DHCR7: variants seen among roughly 807,000 people sequenced by gnomAD.
DHCR7 encodes the protein 7-DHC reductase.
DHCR7 carries 40 observed loss-of-function variants against 43.3 expected under a neutral mutation model. The observed-to-expected ratio is 0.92, with a 90% CI of 0.72 to 1.20. The LOEUF (loss-of-function observed/expected upper bound fraction) is 1.20. Ranked by LOEUF, DHCR7 falls within the 50% of genes most tolerant of loss-of-function variation. The pLI, the probability that DHCR7 is intolerant of heterozygous loss-of-function variation, is 0.00. For synonymous variants in DHCR7, 298 were observed against 271.4 expected, an observed-to-expected ratio of 1.10 and a Z score of -0.96; for missense variants, 608 against 644.6, an observed-to-expected ratio of 0.94 and a Z score of 0.62.
chr11:71,433,846 T>C (rs1949243314), downstream of DHCR7, among the ~76,000 whole-genome samples: 1 of 152,220 alleles, frequency 6.6e-6, no homozygotes, highest in Non-Finnish European at 1.5e-5. Context: ...CCAGCACAGA[T>C]GCACGGGACC....
rs146839126 is a variant in DHCR7, at chr11:71,441,310, C to T, written c.543G>A (p.Leu181=). ...TIIFDNWIPL[L]WCANILGYAV... The stretch of plus-strand genomic sequence containing the variant: ...CATAGCCAAGGATGTTGGCGCACCA[C>T]AGCAGTGGGATCCAGTTGTCGAAGA... The change falls in exon 6 of 9, where the codon CTG becomes CTA. Residue 181 remains leucine (L), a synonymous_variant. Coordinates refer to ENST00000355527, the MANE Select transcript of DHCR7 (RefSeq NM_001360.3). 2 of 1,614,136 alleles carry T rather than the reference C, an allele frequency of 1.2e-6. No individual in the cohort carries two copies. The highest frequency in any genetic ancestry group is 1.3e-5 in the African/African-American group (1 of 74,944).
At position 71,448,279 on chromosome 11, in the gene DHCR7, T is replaced by TGGCCACTCACCTGCGCACACCTC. The variant is rs1949426104; in HGVS notation, c.-144_-132+10dup. 1 of 155,044 alleles carries TGGCCACTCACCTGCGCACACCTC rather than the reference T, an allele frequency of 6.4e-6. No homozygotes were observed. Among genetic ancestry groups the TGGCCACTCACCTGCGCACACCTC allele is most frequent in the Non-Finnish European group, 1.4e-5 (1 of 70,668 alleles). 9.6% of individuals were successfully genotyped at this position (155,044 alleles called of 1,614,324 possible). A position where few individuals can be genotyped will look rare whatever the true frequency, so the allele number is the denominator to read the frequency against. ...CCCCTGGCCTCACCTGCGCACACCT[T>TGGCCACTCACCTGCGCACACCTC]GGCCACTCACCTGCGCACACCTCGG... On this transcript the variant is annotated intron_variant, in intron 1 of 8. Coordinates refer to ENST00000355527, the MANE Select transcript of DHCR7 (RefSeq NM_001360.3).
At chr11:71,430,815 A>G (rs1949224088), downstream of DHCR7, among the ~76,000 whole-genome samples, 1 of 152,164 alleles carries the variant, frequency 6.6e-6, no homozygotes, top group Non-Finnish European at 1.5e-5. Flanking sequence ...CTTTATAGGT[A>G]CAGGATGGGG....
At chr11:71,436,187 A>G (rs970661321) in intron 8 of DHCR7, among the ~76,000 whole-genome samples, 7 of 152,234 alleles carry the variant, frequency 4.6e-5, no homozygotes, top group Non-Finnish European at 1.0e-4. Context: ...TGGCCAGGCC[A>G]TTGTTCCCAG....
At chr11:71,444,293 G>T in intron 3 of DHCR7, 78 bp from the exon 4 acceptor site, 2 of 1,253,240 alleles carry the variant, frequency 1.6e-6, no homozygotes, top group Non-Finnish European at 2.3e-6. Context: ...GGCTCTGTGT[G>T]GGAGAACTGT....
intron 6 of DHCR7, among the ~76,000 whole-genome samples, 186 bp from the exon 7 acceptor site, chr11:71,439,269 C>A (rs895240906): frequency 1.3e-5 from 2 of 152,188 alleles, no homozygotes; most frequent in Non-Finnish European, 2.9e-5. Context: ...TGGTTCCTGG[C>A]GCCCTCATTC....
intron 8 of DHCR7, among the ~76,000 whole-genome samples, chr11:71,436,978 C>G (rs533929319): frequency 6.6e-6 from 1 of 152,230 alleles, no homozygotes; most frequent in Non-Finnish European, 1.5e-5. Flanking sequence ...AACCAGCAGA[C>G]CTGCAGCCAG....
Position 71,442,299 on chromosome 11 carries a change from C to T in DHCR7, c.376G>A (p.Val126Ile), listed in dbSNP as rs143587828. The T allele has an allele frequency of 1.2e-4, 188 of 1,613,814 alleles. 2 individuals carry two copies. In the African/African-American group the frequency reaches 1.4e-3, roughly 12 times the overall value. ...ACGGCCCCCTCCTGGATGCCTCCTA[C>T]GTAGCCGGGTAGAAACTTATGGCAG... Reference protein sequence around the residue: ...DFCHKFLPGYVGGIQEGAVTP... With the variant: ...DFCHKFLPGYIGGIQEGAVTP... The change falls in exon 5 of 9, where the codon GTA (valine) becomes ATA (isoleucine). Residue 126 changes from valine (V) to isoleucine (I), a missense_variant. By Grantham distance (29) the Val-to-Ile change is conservative. Transcript: ENST00000355527.
In DHCR7 at chr11:71,444,140, G is replaced by A. The variant is rs1280060597; in HGVS notation, c.174C>T (p.Ile58=). ...LFAPFIVYYF[I]MACDQYSCAL... ...CGCAGCTGTACTGGTCACAAGCCAT[G>A]ATGAAGTAGTAGACGATGAAGGGGG... is the stretch of plus-strand genomic sequence containing the variant. Residue 58 remains isoleucine (I), a synonymous_variant, in exon 4 of 9, where the codon ATC becomes ATT. Transcript: ENST00000355527. 6.2e-7 allele frequency: 1 copy of A among 1,611,742 alleles called. No individual in the cohort carries two copies. The highest frequency in any genetic ancestry group is 8.5e-7 in the Non-Finnish European group (1 of 1,178,934).
rs746764157 is a variant in DHCR7, at chr11:71,438,876, C to T, written c.831+3G>A. On this transcript the variant is annotated splice_donor_region_variant and intron_variant, in intron 7 of 8. Transcript: ENST00000355527. ...TTTCACCCTCTCCAGCCATGACAGG[C>T]ACCTGCAGGACGTTGACCAGGACCA... The T allele has an allele frequency of 1.9e-6, 3 of 1,613,650 alleles. No homozygotes were observed. Among genetic ancestry groups the T allele is most frequent in the African/African-American group, 2.7e-5 (2 of 75,072 alleles).
At position 71,445,588 on chromosome 11, in the gene DHCR7, G is replaced by A. The variant is rs575500961; in HGVS notation, c.-6-630C>T. Among the ~76,000 whole-genome samples, 11 of 152,312 alleles carry A rather than the reference G, an allele frequency of 7.2e-5. No individual in the cohort carries two copies. In the East Asian group the frequency reaches 1.5e-3, roughly 21 times the overall value. On this transcript the variant is annotated intron_variant, in intron 2 of 8. Transcript: ENST00000355527. ...CCTCACTAGAATGTAAGCTTCCCAA[G>A]GGCAGGAATTGTGTGTCCTCTTCAT... is the stretch of plus-strand genomic sequence containing the variant.
At chr11:71,435,936 C>T (rs1949275874) in intron 8 of DHCR7, 97 bp from the exon 9 acceptor site, 1 of 979,176 alleles carries the variant, frequency 1.0e-6, no homozygotes, top group Non-Finnish European at 1.6e-6. Context: ...CAAACCCCAG[C>T]TCTGCCTCTG....
chr11:71,443,405 T>G (rs1949368445), intron 4 of DHCR7, among the ~76,000 whole-genome samples: 1 of 152,180 alleles, frequency 6.6e-6, no homozygotes, highest in African/African-American at 2.4e-5. Context: ...TAGCACCGTT[T>G]CCCTGGAAAC....
At chr11:71,445,101 C>A (rs1311468298) in intron 2 of DHCR7, 143 bp from the exon 3 acceptor site, 5 of 710,624 alleles carry the variant, frequency 7.0e-6, no homozygotes, top group South Asian at 1.6e-5. Context: ...ACAGCAGATT[C>A]CAGGCAGGGA....
Position 71,435,685 on chromosome 11 carries a change from C to CGGAA in DHCR7, c.1117_1118insTTCC (p.Arg373IlefsTer185). On this transcript the variant is annotated frameshift_variant, in exon 9 of 9. Coordinates refer to ENST00000355527, the MANE Select transcript of DHCR7 (RefSeq NM_001360.3). LOFTEE classifies it high-confidence loss of function. ...GGAGCACTCGATGACCTTGGGCTTCCTGCCCCAGATGAGGCAGCGCCCATC... is the reference window on the plus strand; with the variant it reads ...GGAGCACTCGATGACCTTGGGCTTCCGGAATGCCCCAGATGAGGCAGCGCCCATC... The CGGAA allele has an allele frequency of 6.2e-7, 1 of 1,613,222 alleles. No homozygotes were observed. The highest frequency in any genetic ancestry group is 8.5e-7 in the Non-Finnish European group (1 of 1,179,980).
chr11:71,445,332 A>C (rs941698098), intron 2 of DHCR7, among the ~76,000 whole-genome samples: 2 of 152,150 alleles, frequency 1.3e-5, no homozygotes, highest in Non-Finnish European at 2.9e-5. Context: ...CCTTGAACAC[A>C]GTTTAAATTG....
chr11:71,436,662 CAA>C (rs5792559), intron 8 of DHCR7, among the ~76,000 whole-genome samples: 232 of 143,976 alleles, frequency 1.6e-3, no homozygotes, highest in Middle Eastern at 3.6e-3. Context: ...GACTCCGTCT[CAA>C]AAAAAAAAAA....
At position 71,443,979 on chromosome 11, in the gene DHCR7, C is replaced by T; in HGVS notation, c.321+14G>A. 6.2e-7 allele frequency: 1 copy of T among 1,605,660 alleles called. No homozygotes were observed. Among genetic ancestry groups the T allele is most frequent in the South Asian group, 1.1e-5 (1 of 89,854 alleles). On this transcript the variant is annotated intron_variant, in intron 4 of 8. Transcript: ENST00000355527. ...CACCTGCTGTGTCCCAACCCCAGGGCAGGGGCTGCTGACCTGGAAGGTGAC... is the reference window on the plus strand; with the variant it reads ...CACCTGCTGTGTCCCAACCCCAGGGTAGGGGCTGCTGACCTGGAAGGTGAC...
At chr11:71,444,634 C>A (rs1038960536) in intron 3 of DHCR7, among the ~76,000 whole-genome samples, 6 of 151,368 alleles carry the variant, frequency 4.0e-5, no homozygotes, top group Non-Finnish European at 7.4e-5. Context: ...AAGCCTTTAT[C>A]TTTTTTTCTA....
Sources: allele counts gnomAD v4.1 joint callset (sites outside exome capture counted in the v4.1 genomes callset), GRCh38; gene constraint gnomAD v4.1.1; transcripts MANE v1.5; gene names NCBI Gene and HGNC (gene_info 2026-07-23, HGNC 2026-07-21).